The following COL12A1 variants were observed in gnomAD, a reference collection of about 807,000 sequenced individuals.
COL12A1 encodes collagen alpha-1(XII) chain.
COL12A1 carries 114 observed loss-of-function variants against 349.7 expected under a neutral mutation model. That is an observed-to-expected ratio of 0.33 (90% CI 0.28 to 0.38). The LOEUF (loss-of-function observed/expected upper bound fraction) is 0.38, where lower values mean the gene tolerates loss of function less well. Ranked by LOEUF, COL12A1 falls within the 10% of genes least tolerant of loss-of-function variation. The pLI is 1.00. For synonymous variants in COL12A1, 1,369 were observed against 1,329.0 expected, an observed-to-expected ratio of 1.03 and a Z score of -0.66; for missense variants, 3,284 against 3,756.9, an observed-to-expected ratio of 0.87 and a Z score of 3.29.
intron 2 of COL12A1, among the ~76,000 whole-genome samples, chr6:75,200,502 G>A (rs200901092): frequency 6.6e-6 from 1 of 152,176 alleles, no homozygotes; most frequent in Non-Finnish European, 1.5e-5. Flanking sequence ...GAACCCAGGA[G>A]GCGGAGGCTG....
rs1379004163 is a variant in COL12A1, at chr6:75,145,466, A to G, written c.4561-11T>C. Reference sequence around the variant, plus strand: ...TGGCCCCAAACGCACCTGCACATGGATATGTGGAGCAGAAATAAGATATTC... The same window carrying G: ...TGGCCCCAAACGCACCTGCACATGGGTATGTGGAGCAGAAATAAGATATTC... On this transcript the variant is annotated splice_polypyrimidine_tract_variant and intron_variant, in intron 24 of 65. Transcript: ENST00000322507. The G allele has an allele frequency of 3.1e-6, 5 of 1,610,804 alleles. No homozygotes were observed. The highest frequency in any genetic ancestry group is 4.2e-6 in the Non-Finnish European group (5 of 1,178,242).
intron 52 of COL12A1, among the ~76,000 whole-genome samples, chr6:75,108,107 TCTCAGTC>T (rs1378357625): frequency 6.6e-6 from 1 of 151,936 alleles, no homozygotes; most frequent in Non-Finnish European, 1.5e-5. Flanking sequence ...TGAGACAGGG[TCTCAGTC>T]TGTCACCCAG....
rs770005423 is a variant in COL12A1 at position 75,130,970 on chromosome 6, T to G, written c.5949A>C (p.Pro1983=). The G allele has an allele frequency of 4.3e-6, 7 of 1,614,046 alleles. No homozygotes were observed. The African/African-American group carries it at 9.3e-5, about 22-fold the overall frequency. ...GTRPSESIVV[P]GNTRMVHLER... is the part of the protein sequence containing the mutation. ...CCAGATGCACCATGCGCGTGTTTCCTGGCACTACTATCTGCAGGAGAGGAA... is the reference window on the plus strand; with the variant it reads ...CCAGATGCACCATGCGCGTGTTTCCGGGCACTACTATCTGCAGGAGAGGAA... The change falls in exon 36 of 66, where the codon CCA becomes CCC. Residue 1983 remains proline, a synonymous_variant. Coordinates refer to ENST00000322507, the MANE Select transcript of COL12A1 (RefSeq NM_004370.6).
chr6:75,141,894 G>C (rs989772213), intron 27 of COL12A1, 138 bp downstream of exon 27: 2 of 1,098,894 alleles, frequency 1.8e-6, no homozygotes. Context: ...AAAAATAAGT[G>C]AAAAACAATC....
chr6:75,176,936 A>T (rs1271896069), intron 12 of COL12A1, among the ~76,000 whole-genome samples: 4 of 152,204 alleles, frequency 2.6e-5, no homozygotes, highest in Non-Finnish European at 5.9e-5. Flanking sequence ...TTCAACAAAC[A>T]TCAGAATGTA....
intron 14 of COL12A1, among the ~76,000 whole-genome samples, chr6:75,162,546 C>T (rs927823857): frequency 2.0e-5 from 3 of 152,142 alleles, no homozygotes; most frequent in African/African-American, 7.2e-5. Context: ...AGGCCTAAAA[C>T]CATAAAAATC....
At chr6:75,088,698 T>G (rs1767617706) in intron 64 of COL12A1, among the ~76,000 whole-genome samples, 1 of 152,100 alleles carries the variant, frequency 6.6e-6, no homozygotes, top group Non-Finnish European at 1.5e-5. Context: ...GAATGCTTTA[T>G]GCTATAATAA....
At chr6:75,108,941 A>ATAACAAAGATT in intron 52 of COL12A1, 77 bp downstream of exon 52, 1 of 1,424,668 alleles carries the variant, frequency 7.0e-7, no homozygotes, top group Non-Finnish European at 9.7e-7. Flanking sequence ...ATAAAATAAA[A>ATAACAAAGATT]CTCAAGGAGT....
rs530702621 is a variant in COL12A1, at chr6:75,160,303, T to C, written c.2984-3780A>G. Reference sequence around the variant, plus strand: ...GGCTTTCTAACCCCAATTCATGATTTTCATTGTATCAATGTATTCGTTTCA... The same window carrying C: ...GGCTTTCTAACCCCAATTCATGATTCTCATTGTATCAATGTATTCGTTTCA... On this transcript the variant is annotated intron_variant, in intron 14 of 65. Transcript: ENST00000322507. 3.3e-5 allele frequency among the ~76,000 whole-genome samples: 5 copies of C among 152,318 alleles called. No individual in the cohort carries two copies. The South Asian group carries it at 1.0e-3, about 32-fold the overall frequency.
intron 31 of COL12A1, among the ~76,000 whole-genome samples, chr6:75,135,157 AG>A (rs922168842): frequency 1.4e-5 from 2 of 147,722 alleles, no homozygotes; most frequent in Non-Finnish European, 3.0e-5. Context: ...TCAAAAAAAA[AG>A]GGGGCGGGGG....
intron 36 of COL12A1, 124 bp downstream of exon 36, chr6:75,130,728 T>G (rs553047587): frequency 6.4e-6 from 8 of 1,241,988 alleles, no homozygotes; most frequent in Non-Finnish European, 8.9e-6. Flanking sequence ...GGAATGTAAA[T>G]GTAGGGGATC....
Position 75,113,249 on chromosome 6 carries a change from A to C in COL12A1, c.7905T>G (p.Phe2635Leu), listed in dbSNP as rs375456934. 3.2e-6 allele frequency: 5 copies of C among 1,566,042 alleles called. No homozygotes were observed. In the East Asian group the frequency reaches 1.2e-4, roughly 37 times the overall value. ...DTRGEVQTVTFDTEEVKTLFY... is the reference protein window; with the variant it reads ...DTRGEVQTVTLDTEEVKTLFY... ...ATAATGTCTTTACTTCTTCTGTGTC[A>C]AATGTAACAGTTTGCACCTCGCCTC... Residue 2635 changes from phenylalanine (F) to leucine (L), a missense_variant, in exon 51 of 66, where the codon TTT (phenylalanine) becomes TTG (leucine). This residue lies in a region of COL12A1 where 683 missense variants were observed against 932.1 expected (regional missense o/e 0.73). Coordinates refer to ENST00000322507, the MANE Select transcript of COL12A1 (RefSeq NM_004370.6).
chr6:75,117,267 T>A, intron 47 of COL12A1, 115 bp downstream of exon 47: 1 of 1,027,172 alleles, frequency 9.7e-7, no homozygotes. Context: ...TCTCAAGTGA[T>A]TTCCCAGGAT....
At chr6:75,112,385 A>T (rs959705044) in intron 51 of COL12A1, among the ~76,000 whole-genome samples, 2 of 151,778 alleles carry the variant, frequency 1.3e-5, no homozygotes, top group South Asian at 2.1e-4. Context: ...AAGTTTTTTT[A>T]AAAAGTCTAT....
intron 54 of COL12A1, 148 bp downstream of exon 54, chr6:75,105,058 A>G (rs975639440): frequency 1.8e-6 from 1 of 566,208 alleles, no homozygotes; most frequent in Admixed American, 3.4e-5. Flanking sequence ...ATGTCCAAAT[A>G]TACTAAAAAG....
At chr6:75,124,151 AT>A in intron 41 of COL12A1, 57 bp from the exon 42 acceptor site, 1 of 1,596,036 alleles carries the variant, frequency 6.3e-7, no homozygotes, top group Admixed American at 1.7e-5. Flanking sequence ...TTTCAAGAAA[AT>A]TTTATATCGC....
chr6:75,191,858 C>T, intron 4 of COL12A1, 98 bp from the exon 5 acceptor site: 1 of 693,820 alleles, frequency 1.4e-6, no homozygotes, highest in East Asian at 3.3e-5. Flanking sequence ...GTTATTGTCT[C>T]TTAAATGTAT....
intron 46 of COL12A1, among the ~76,000 whole-genome samples, chr6:75,118,357 A>G (rs534059755): frequency 2.6e-5 from 4 of 152,350 alleles, no homozygotes; most frequent in Admixed American, 2.0e-4. Context: ...GCATGTACAG[A>G]TGACAAGTTC....
At chr6:75,166,587 T>C (rs1768322520) in intron 13 of COL12A1, among the ~76,000 whole-genome samples, 1 of 152,182 alleles carries the variant, frequency 6.6e-6, no homozygotes, top group Non-Finnish European at 1.5e-5. Flanking sequence ...ATATTTTAAA[T>C]GTAAGATAAA....
Sources: gnomAD v4.1 joint callset for allele counts (sites outside exome capture counted in the v4.1 genomes callset) on GRCh38, gnomAD v4.1.1 for gene constraint, gnomAD v4.1.1 regional missense constraint, MANE v1.5 for transcripts, NCBI Gene and HGNC (gene_info 2026-07-23, HGNC 2026-07-21) for gene names.